Variants in RIT2 observed in about 807,000 individuals in gnomAD.
The protein encoded by RIT2 is GTP-binding protein Rit2.
A neutral mutation model predicts 23.7 loss-of-function variants in RIT2; 24 were observed. The ratio of observed to expected loss-of-function variants is 1.01; its 90% CI spans 0.73 to 1.43. The LOEUF is 1.43. RIT2 is among the 40% of genes most tolerant of loss of function. The pLI, the probability that RIT2 is intolerant of heterozygous loss-of-function variation, is 0.00. For missense variants in RIT2, 236 were observed against 266.9 expected (o/e 0.88, Z 0.81); for synonymous variants, 107 against 91.1 (o/e 1.17, Z -0.99).
At chr18:42,987,054 G>T (rs1332111143) in intron 2 of RIT2, among the ~76,000 whole-genome samples, 1 of 152,058 alleles carries the variant, frequency 6.6e-6, no homozygotes, top group East Asian at 1.9e-4. Context: ...AAACTGTTTG[G>T]AACTATCAAC....
At chr18:42,952,046 C>A (rs376434894) in intron 3 of RIT2, among the ~76,000 whole-genome samples, 1 of 152,196 alleles carries the variant, frequency 6.6e-6, no homozygotes, top group East Asian at 1.9e-4. Flanking sequence ...TTCACTGTCA[C>A]AAGAACAGCA....
At chr18:42,750,260 A>G (rs533852703) in intron 4 of RIT2, among the ~76,000 whole-genome samples, 165 of 151,992 alleles carry the variant, frequency 1.1e-3, no homozygotes, top group African/African-American at 3.1e-3. Flanking sequence ...TTAAAAACAG[A>G]AAAACTATTG....
chr18:42,856,825 C>CTTTTTTTTTTT lies in RIT2; in HGVS notation c.426+66746_426+66747insAAAAAAAAAAA, dbSNP rs760595125. ...AGAAGTCTTTTTCTTTTCTCTCTCT[C>CTTTTTTTTTTT]TCTTTTTTTTTTTTTTTTTTTTGAG... On this transcript the variant is annotated intron_variant, in intron 4 of 4. Transcript: ENST00000326695. Among the ~76,000 whole-genome samples, 190 of 127,914 alleles carry CTTTTTTTTTTT rather than the reference C, an allele frequency of 1.5e-3. 5 individuals carry two copies. The highest frequency in any genetic ancestry group is 5.6e-3 in the African/African-American group (173 of 30,754). The allele number at this position is 127,914 out of a possible 152,430, so 83.9% of individuals were successfully genotyped here. A position where few individuals can be genotyped will look rare whatever the true frequency, so the allele number is the denominator to read the frequency against.
At chr18:42,788,768 AAT>A (rs1913977075) in intron 4 of RIT2, among the ~76,000 whole-genome samples, 1 of 152,162 alleles carries the variant, frequency 6.6e-6, no homozygotes, top group Admixed American at 6.5e-5. Flanking sequence ...ACATCTATCA[AAT>A]ACCCAAGTCT....
intron 3 of RIT2, among the ~76,000 whole-genome samples, chr18:42,943,420 G>A (rs1172208711): frequency 1.3e-5 from 2 of 151,952 alleles, no homozygotes; most frequent in African/African-American, 2.4e-5. Flanking sequence ...ACTCGACCCA[G>A]GAAGTCCCGC....
intron 4 of RIT2, among the ~76,000 whole-genome samples, chr18:42,811,059 T>C (rs931706423): frequency 2.0e-5 from 3 of 152,044 alleles, no homozygotes; most frequent in Non-Finnish European, 4.4e-5. Context: ...CAGAAAATTA[T>C]AGATTTTGTC....
At chr18:42,806,298 A>G (rs1328058971) in intron 4 of RIT2, among the ~76,000 whole-genome samples, 1 of 151,620 alleles carries the variant, frequency 6.6e-6, no homozygotes, top group African/African-American at 2.4e-5. Flanking sequence ...GTAAAACCTC[A>G]TCTCTACTAA....
chr18:43,037,987 G>A (rs941376615), intron 1 of RIT2, among the ~76,000 whole-genome samples: 2 of 152,064 alleles, frequency 1.3e-5, no homozygotes, highest in South Asian at 2.1e-4. Context: ...GGCGGATCAC[G>A]AGGTCAGGAG....
intron 4 of RIT2, among the ~76,000 whole-genome samples, chr18:42,827,202 C>T (rs1906320806): frequency 6.6e-6 from 1 of 152,064 alleles, no homozygotes. Flanking sequence ...CAGCATAAGA[C>T]TGTGTTATAT....
intron 4 of RIT2, among the ~76,000 whole-genome samples, chr18:42,897,486 A>G (rs534817236): frequency 6.6e-6 from 1 of 152,220 alleles, no homozygotes; most frequent in African/African-American, 2.4e-5. Context: ...AGTCTACCAC[A>G]TGCATTCCTA....
chr18:42,783,274 G>T (rs1913852741), intron 4 of RIT2, among the ~76,000 whole-genome samples: 1 of 152,022 alleles, frequency 6.6e-6, no homozygotes, highest in Non-Finnish European at 1.5e-5. Context: ...TGGAACCTAA[G>T]CTGGTCATTG....
intron 4 of RIT2, among the ~76,000 whole-genome samples, chr18:42,891,736 A>C (rs1908181994): frequency 6.6e-6 from 1 of 152,092 alleles, no homozygotes; most frequent in African/African-American, 2.4e-5. Flanking sequence ...GCTAGGGGTA[A>C]AGGGGGAGGG....
At chr18:43,068,905 G>A (rs187337440) in intron 1 of RIT2, among the ~76,000 whole-genome samples, 2 of 152,212 alleles carry the variant, frequency 1.3e-5, no homozygotes, top group East Asian at 3.9e-4. Flanking sequence ...ATTCGAACCA[G>A]AGTGACTCCA....
intron 4 of RIT2, among the ~76,000 whole-genome samples, chr18:42,848,583 C>T (rs1212584971): frequency 6.6e-6 from 1 of 152,020 alleles, no homozygotes; most frequent in Non-Finnish European, 1.5e-5. Flanking sequence ...TTATTATTAT[C>T]ATAATTTAAT....
chr18:43,016,879 G>A (rs1444837100), intron 2 of RIT2, among the ~76,000 whole-genome samples: 1 of 151,810 alleles, frequency 6.6e-6, no homozygotes, highest in African/African-American at 2.4e-5. Flanking sequence ...TAGTCACCAG[G>A]AACCATATCA....
chr18:43,007,594 C>T (rs569862234), intron 2 of RIT2, among the ~76,000 whole-genome samples: 17 of 151,732 alleles, frequency 1.1e-4, no homozygotes, highest in African/African-American at 3.4e-4. Context: ...TCAAAGTCTA[C>T]TAGAGTTGTG....
intron 4 of RIT2, among the ~76,000 whole-genome samples, chr18:42,896,877 G>C (rs1033346614): frequency 6.6e-6 from 1 of 152,024 alleles, no homozygotes; most frequent in Non-Finnish European, 1.5e-5. Flanking sequence ...TCCTGGCTTA[G>C]GTAACAGTTT....
In RIT2 at chr18:42,922,068, C is replaced by A. The variant is rs183001555; in HGVS notation, c.426+1504G>T. On this transcript the variant is annotated intron_variant, in intron 4 of 4. Coordinates refer to ENST00000326695, the MANE Select transcript of RIT2 (RefSeq NM_002930.4). ...GCAGAACAGTTGCAGAAGAGATGAA[C>A]AAATATTACAGTTCCTAAAACAATA... Among the ~76,000 whole-genome samples the A allele has an allele frequency of 4.3e-3, 647 of 152,098 alleles. 8 individuals carry two copies. Among genetic ancestry groups the A allele is most frequent in the African/African-American group, 0.015 (610 of 41,524 alleles).
chr18:42,929,858 AGG>A (rs1212935229), intron 3 of RIT2, among the ~76,000 whole-genome samples: 1 of 152,114 alleles, frequency 6.6e-6, no homozygotes, highest in African/African-American at 2.4e-5. Flanking sequence ...CTCCATGGAC[AGG>A]TGCCCCAGAG....
Sources: gnomAD v4.1 joint callset for allele counts (sites outside exome capture counted in the v4.1 genomes callset) on GRCh38, gnomAD v4.1.1 for gene constraint, MANE v1.5 for transcripts, NCBI Gene and HGNC (gene_info 2026-07-23, HGNC 2026-07-21) for gene names.